The following GPR176 variants were observed in gnomAD, a reference collection of about 807,000 sequenced individuals.
GPR176 encodes G-protein coupled receptor 176.
Under a neutral mutation model 35.4 loss-of-function variants are expected in GPR176, and 26 were observed. The ratio of observed to expected loss-of-function variants is 0.74; its 90% CI spans 0.54 to 1.02. GPR176 has a LOEUF of 1.02. GPR176 is among the 50% of genes least tolerant of loss of function. GPR176 has a pLI of 0.00. For synonymous variants in GPR176, 278 were observed against 271.3 expected, an observed-to-expected ratio of 1.02 and a Z score of -0.24; for missense variants, 597 against 665.3, an observed-to-expected ratio of 0.90 and a Z score of 1.13.
chr15:39,832,642 G>A (rs566975129), intron 1 of GPR176, among the ~76,000 whole-genome samples: 1 of 115,256 alleles, frequency 8.7e-6, no homozygotes, highest in East Asian at 3.1e-4. Context: ...GCTAATGATA[G>A]CTGATGAGCT....
chr15:39,843,423 A>G (rs2030174147), intron 1 of GPR176, among the ~76,000 whole-genome samples: 1 of 152,174 alleles, frequency 6.6e-6, no homozygotes, highest in Non-Finnish European at 1.5e-5. Context: ...CACCAAGACA[A>G]TGAAAATTGC....
chr15:39,866,079 G>C lies in GPR176; in HGVS notation c.172+53776C>G, dbSNP rs275743. 4.1e-3 allele frequency among the ~76,000 whole-genome samples: 617 copies of C among 152,118 alleles called. 7 individuals are homozygous for C. Among genetic ancestry groups the C allele is most frequent in the African/African-American group, 0.014 (580 of 41,518 alleles). ...GATTTTTTCCAAGACATATTGTTAA[G>C]TGAAAAAGAAAAGTGTAGAAAAGAA... is the stretch of plus-strand genomic sequence containing the variant. On this transcript the variant is annotated intron_variant, in intron 1 of 2. Coordinates refer to ENST00000561100, the MANE Select transcript of GPR176 (RefSeq NM_007223.3).
At chr15:39,879,420 T>A (rs754822844) in intron 1 of GPR176, among the ~76,000 whole-genome samples, 2 of 152,176 alleles carry the variant, frequency 1.3e-5, no homozygotes, top group African/African-American at 2.4e-5. Flanking sequence ...GTGGGAAACC[T>A]AAAGCAACTT....
At chr15:39,865,129 G>A (rs1351799926) in intron 1 of GPR176, among the ~76,000 whole-genome samples, 2 of 151,978 alleles carry the variant, frequency 1.3e-5, no homozygotes, top group Non-Finnish European at 1.5e-5. Context: ...AACCTCTATG[G>A]AAAAAATATG....
intron 1 of GPR176, chr15:39,815,382 C>T (rs1485412797): frequency 6.6e-6 from 1 of 152,284 alleles, no homozygotes; most frequent in Non-Finnish European, 1.5e-5. Context: ...CAGATTGTCT[C>T]ATGTGGTCAG....
At chr15:39,907,723 A>G (rs1246439838) in intron 1 of GPR176, among the ~76,000 whole-genome samples, 2 of 152,198 alleles carry the variant, frequency 1.3e-5, no homozygotes, top group African/African-American at 4.8e-5. Flanking sequence ...AACAGTGCCA[A>G]TATTTCCCTT....
At chr15:39,891,209 G>A (rs941543926) in intron 1 of GPR176, among the ~76,000 whole-genome samples, 15 of 151,834 alleles carry the variant, frequency 9.9e-5, no homozygotes, top group Non-Finnish European at 1.6e-4. Context: ...CTAGAGCCTG[G>A]CACATAATAA....
intron 1 of GPR176, among the ~76,000 whole-genome samples, chr15:39,876,119 C>T (rs2032236835): frequency 6.6e-6 from 1 of 151,758 alleles, no homozygotes; most frequent in South Asian, 2.1e-4. Flanking sequence ...CCACTGCACT[C>T]CAGCCTGGGT....
chr15:39,917,598 A>G (rs2033761188), intron 1 of GPR176, among the ~76,000 whole-genome samples: 1 of 151,896 alleles, frequency 6.6e-6, no homozygotes, highest in Non-Finnish European at 1.5e-5. Context: ...GGCCTCCCAA[A>G]GTGTTGGGAT....
intron 1 of GPR176, among the ~76,000 whole-genome samples, chr15:39,851,503 G>C (rs551870868): frequency 3.2e-4 from 48 of 152,204 alleles, no homozygotes; most frequent in African/African-American, 1.1e-3. Context: ...GGTCAGACAA[G>C]GGTGCTTCAC....
chr15:39,828,992 C>T, intron 1 of GPR176: 6 of 692,230 alleles, frequency 8.7e-6, no homozygotes, highest in Non-Finnish European at 1.6e-5. Context: ...GTATGCGTAT[C>T]ATGTGATATT....
chr15:39,801,214 G>A lies in GPR176; in HGVS notation c.1466C>T (p.Thr489Ile). ...LGNTPEELIQTKVPKVGRVER... is the reference protein window; with the variant it reads ...LGNTPEELIQIKVPKVGRVER... ...CACCCTGCCTACCTTGGGCACCTTTGTCTGGATCAGCTCTTCTGGGGTGTT... is the reference window on the plus strand; with the variant it reads ...CACCCTGCCTACCTTGGGCACCTTTATCTGGATCAGCTCTTCTGGGGTGTT... The change falls in exon 3 of 3, where the codon ACA becomes ATA. Residue 489 changes from threonine (T) to isoleucine (I), a missense_variant. This residue lies in a region of GPR176 where 251 missense variants were observed against 255.4 expected (regional missense o/e 0.98). Transcript: ENST00000561100. 6.2e-7 allele frequency: 1 copy of A among 1,614,074 alleles called. No individual in the cohort carries two copies. Among genetic ancestry groups the A allele is most frequent in the Non-Finnish European group, 8.5e-7 (1 of 1,179,928 alleles).
chr15:39,829,364 A>G, intron 1 of GPR176: 1 of 1,300,900 alleles, frequency 7.7e-7, no homozygotes, highest in Non-Finnish European at 9.8e-7. Flanking sequence ...TGCGCAGGAC[A>G]CAAGGAGCTC....
intron 1 of GPR176, among the ~76,000 whole-genome samples, chr15:39,857,971 C>CAAAA (rs551565660): frequency 1.3e-5 from 1 of 77,364 alleles, no homozygotes; most frequent in Non-Finnish European, 2.8e-5. Flanking sequence ...ACTCCTTCTC[C>CAAAA]AAAAAAAAAA....
intron 1 of GPR176, among the ~76,000 whole-genome samples, chr15:39,872,187 AT>A (rs1555408185): frequency 1.2e-5 from 1 of 82,434 alleles, no homozygotes; most frequent in African/African-American, 4.4e-5. Context: ...AAGTTGTATA[AT>A]AGAGAGATAA....
chr15:39,872,374 G>T (rs887290882), intron 1 of GPR176, among the ~76,000 whole-genome samples: 1 of 152,062 alleles, frequency 6.6e-6, no homozygotes, highest in Non-Finnish European at 1.5e-5. Flanking sequence ...TGAGAAGGAG[G>T]AGTACAGGCT....
Position 39,807,251 on chromosome 15 carries a change from G to A in GPR176, c.180C>T (p.Phe60=). Residue 60 remains phenylalanine, a synonymous_variant, in exon 2 of 3, where the codon TTC becomes TTT. Coordinates refer to ENST00000561100, the MANE Select transcript of GPR176 (RefSeq NM_007223.3). The part of the protein sequence containing the change: ...VIFIGSLLGN[F]MVLWSTCRTT... Reference sequence around the variant, plus strand: ...TGCGGCAAGTTGACCATAACACCATGAAGTTTCCTGGTCAGATATGAAAGA... The same window carrying A: ...TGCGGCAAGTTGACCATAACACCATAAAGTTTCCTGGTCAGATATGAAAGA... The A allele has an allele frequency of 6.4e-7, 1 of 1,550,450 alleles. No individual in the cohort carries two copies. The highest frequency in any genetic ancestry group is 2.3e-5 in the East Asian group (1 of 43,562).
chr15:39,852,571 T>C (rs1008857624), intron 1 of GPR176, among the ~76,000 whole-genome samples: 2 of 152,212 alleles, frequency 1.3e-5, no homozygotes, highest in African/African-American at 4.8e-5. Flanking sequence ...TGCAAAGTCA[T>C]AGAGGAATCC....
chr15:39,869,580 CT>C (rs1378234714), intron 1 of GPR176, among the ~76,000 whole-genome samples: 1 of 152,026 alleles, frequency 6.6e-6, no homozygotes, highest in Admixed American at 6.6e-5. Context: ...TTATTTTTTT[CT>C]TCTCTCTTCT....
Sources: allele counts gnomAD v4.1 joint callset (sites outside exome capture counted in the v4.1 genomes callset), GRCh38; gene constraint gnomAD v4.1.1; regional missense constraint gnomAD v4.1.1; transcripts MANE v1.5; gene names NCBI Gene and HGNC (gene_info 2026-07-23, HGNC 2026-07-21).